The following ZFYVE28 variants were observed in gnomAD, a reference collection of about 807,000 sequenced individuals.
ZFYVE28 encodes zinc finger FYVE-type containing 28.
ZFYVE28 carries 40 observed loss-of-function variants against 82.1 expected under a neutral mutation model. That is an observed-to-expected ratio of 0.49 (90% CI 0.38 to 0.63). The LOEUF (loss-of-function observed/expected upper bound fraction) is 0.63, where lower values mean the gene tolerates loss of function less well. Among genes scored for constraint, ZFYVE28 ranks in the 30% least tolerant of loss-of-function variants. ZFYVE28 has a pLI of 0.00. For synonymous variants in ZFYVE28, 612 were observed against 546.1 expected, an observed-to-expected ratio of 1.12 and a Z score of -1.68; for missense variants, 1,321 against 1,242.1, an observed-to-expected ratio of 1.06 and a Z score of -0.96.
chr4:2,417,656 G>A lies in ZFYVE28; in HGVS notation c.39+629C>T, dbSNP rs1482809003. On this transcript the variant is annotated intron_variant, in intron 1 of 12. Coordinates refer to ENST00000290974, the MANE Select transcript of ZFYVE28 (RefSeq NM_020972.3). This position sits in a 1 kb window ranked among gnomAD's most constrained non-coding sequence, Gnocchi z 4.8. Reference sequence around the variant, plus strand: ...GGGACGCGAACTGGGCCGAGGTGTGGGTCAGTCCTGGTTCGGGAAGGGAGG... The same window carrying A: ...GGGACGCGAACTGGGCCGAGGTGTGAGTCAGTCCTGGTTCGGGAAGGGAGG... 6.6e-6 allele frequency among the ~76,000 whole-genome samples: 1 copy of A among 151,962 alleles called. No individual in the cohort carries two copies.
At position 2,271,645 on chromosome 4, in the gene ZFYVE28, C is replaced by T. The variant is rs776567985; in HGVS notation, c.2428+30G>A. On this transcript the variant is annotated intron_variant, in intron 11 of 12. Transcript: ENST00000290974. ...CCACAGCCCCCACTGGTGTCTAGTG[C>T]AGTGTCCTGACCCAGAGCCTCCCAC... 7.5e-6 allele frequency: 12 copies of T among 1,603,562 alleles called. No individual in the cohort carries two copies. The South Asian group carries it at 1.2e-4, about 16-fold the overall frequency.
At chr4:2,396,177 T>G (rs1170250551) in intron 1 of ZFYVE28, among the ~76,000 whole-genome samples, 2 of 12,954 alleles carry the variant, frequency 1.5e-4, no homozygotes, top group African/African-American at 2.4e-4. Flanking sequence ...GGACACAAGG[T>G]GGGGGTGTCT....
At chr4:2,410,688 G>C (rs184738048) in intron 1 of ZFYVE28, among the ~76,000 whole-genome samples, 4,363 of 151,900 alleles carry the variant, frequency 0.029, 215 homozygotes, top group African/African-American at 0.1. Flanking sequence ...GTAGAGACGG[G>C]GTTTCACCGT....
chr4:2,359,443 A>G (rs1464072082), intron 1 of ZFYVE28, among the ~76,000 whole-genome samples: 5 of 152,114 alleles, frequency 3.3e-5, no homozygotes, highest in South Asian at 2.1e-4. Flanking sequence ...AGGATATTTA[A>G]AGAGGTCATT....
intron 8 of ZFYVE28, among the ~76,000 whole-genome samples, chr4:2,278,423 A>C (rs1012435645): frequency 1.3e-5 from 2 of 150,702 alleles, no homozygotes; most frequent in Non-Finnish European, 2.9e-5. Context: ...CCTGGACTCA[A>C]GTGATCCACC....
intron 8 of ZFYVE28, among the ~76,000 whole-genome samples, chr4:2,280,745 T>C (rs1577880197): frequency 6.6e-6 from 1 of 152,204 alleles, no homozygotes; most frequent in Non-Finnish European, 1.5e-5. Flanking sequence ...GATGGCACCC[T>C]CGGGCCCTGC....
In ZFYVE28 at chr4:2,304,666, G is replaced by A; in HGVS notation, c.1674C>T (p.Asn558=). The A allele has an allele frequency of 6.2e-7, 1 of 1,612,654 alleles. No homozygotes were observed. The change falls in exon 8 of 13, where the codon AAC becomes AAT. Residue 558 remains asparagine, a synonymous_variant. Transcript: ENST00000290974. ...AGCACACGCAGGAATGCAGAAGGCA[G>A]TTGGTGGCCCCAGTGCTAAGCTTGT... ...GPHKLSTGAT[N]CLLHSCVCCG...
chr4:2,315,347 G>A (rs377212388), intron 7 of ZFYVE28, among the ~76,000 whole-genome samples: 124 of 152,238 alleles, frequency 8.1e-4, no homozygotes, highest in African/African-American at 2.9e-3. Flanking sequence ...AAGCGGTGGC[G>A]TGATCTCTGC....
rs945126552 is a variant in ZFYVE28, at chr4:2,341,263, A to G, written c.318+215T>C. On this transcript the variant is annotated intron_variant, in intron 3 of 12. Transcript: ENST00000290974. The surrounding 1 kb of genome is among the most constrained non-coding windows in gnomAD (Gnocchi z 4.5). ...CACATGGGAAATTTCATTTGTATGT[A>G]TAGTTTTGGGGGCACCAGTTCATGG... is the stretch of plus-strand genomic sequence containing the variant. 6.4e-6 allele frequency: 4 copies of G among 625,628 alleles called. No individual in the cohort carries two copies. Among genetic ancestry groups the G allele is most frequent in the Non-Finnish European group, 1.1e-5 (4 of 361,688 alleles). 38.8% of individuals were successfully genotyped at this position (625,628 alleles called of 1,614,324 possible).
chr4:2,381,042 C>T (rs1728681506), intron 1 of ZFYVE28, among the ~76,000 whole-genome samples: 1 of 152,290 alleles, frequency 6.6e-6, no homozygotes, highest in Admixed American at 6.5e-5. Context: ...CAGAAGAAGA[C>T]AGGAAAATGT....
rs76453592 is a variant in ZFYVE28 at position 2,275,248 on chromosome 4, G to A, written c.2052-1032C>T. Among the ~76,000 whole-genome samples the A allele has an allele frequency of 2.0e-5, 3 of 152,236 alleles. No homozygotes were observed. The East Asian group carries it at 5.8e-4, about 29-fold the overall frequency. On this transcript the variant is annotated intron_variant, in intron 8 of 12. Transcript: ENST00000290974. ...AGCTTTCATCAGATTTGCTACTCAG[G>A]GGTTCCACGGTGACCCTATAAATCG...
chr4:2,335,822 C>T lies in ZFYVE28; in HGVS notation c.612-28G>A, dbSNP rs1409588832. Reference sequence around the variant, plus strand: ...GTCCGGGGAGACGGACAGTGAGCAGCATGAGGGCTGGCCCACCACAGCCAC... The same window carrying T: ...GTCCGGGGAGACGGACAGTGAGCAGTATGAGGGCTGGCCCACCACAGCCAC... On this transcript the variant is annotated intron_variant, in intron 5 of 12. Coordinates refer to ENST00000290974, the MANE Select transcript of ZFYVE28 (RefSeq NM_020972.3). This position sits in a 1 kb window ranked among gnomAD's most constrained non-coding sequence, Gnocchi z 5.8. 1.3e-6 allele frequency: 2 copies of T among 1,543,548 alleles called. No individual in the cohort carries two copies. The highest frequency in any genetic ancestry group is 2.4e-5 in the South Asian group (2 of 83,986).
chr4:2,398,258 T>C (rs1578382213), intron 1 of ZFYVE28, among the ~76,000 whole-genome samples: 2 of 152,154 alleles, frequency 1.3e-5, no homozygotes, highest in South Asian at 2.1e-4. Flanking sequence ...CGGGAGGCCA[T>C]TGGTGACCCG....
intron 1 of ZFYVE28, among the ~76,000 whole-genome samples, chr4:2,391,776 C>G (rs1363996705): frequency 1.5e-5 from 2 of 136,812 alleles, no homozygotes; most frequent in Non-Finnish European, 3.1e-5. Flanking sequence ...TGCTCTGTTT[C>G]CCAGGCTGGA....
At chr4:2,378,214 G>A (rs191261829) in intron 1 of ZFYVE28, among the ~76,000 whole-genome samples, 219 of 152,318 alleles carry the variant, frequency 1.4e-3, no homozygotes, top group African/African-American at 5.1e-3. Context: ...GGTAGTGCAC[G>A]CCTGCAGTCC....
rs1560144220 is a variant in ZFYVE28 at position 2,289,981 on chromosome 4, A to G, written c.2051+14308T>C. Among the ~76,000 whole-genome samples the G allele has an allele frequency of 1.3e-5, 2 of 152,186 alleles. 1 individual carries two copies. Among genetic ancestry groups the G allele is most frequent in the East Asian group, 3.9e-4 (2 of 5,176 alleles). On this transcript the variant is annotated intron_variant, in intron 8 of 12. Coordinates refer to ENST00000290974, the MANE Select transcript of ZFYVE28 (RefSeq NM_020972.3). Reference sequence around the variant, plus strand: ...TGCTCTGCAGAAGCTCAGGGGGAGGACAGACACAGACAGACAGTGGACAGG... The same window carrying G: ...TGCTCTGCAGAAGCTCAGGGGGAGGGCAGACACAGACAGACAGTGGACAGG...
At position 2,314,279 on chromosome 4, in the gene ZFYVE28, G is replaced by A. The variant is rs376306841; in HGVS notation, c.803+5891C>T. 1.8e-4 allele frequency among the ~76,000 whole-genome samples: 27 copies of A among 152,286 alleles called. No individual in the cohort carries two copies. The South Asian group carries it at 5.0e-3, about 28-fold the overall frequency. On this transcript the variant is annotated intron_variant, in intron 7 of 12. Transcript: ENST00000290974. ...TCTATTTACTCTCAACCTTGTTCAC[G>A]TACTTGTGTCAGGACTGGGTCTCTC...
intron 1 of ZFYVE28, among the ~76,000 whole-genome samples, chr4:2,375,405 G>A (rs4974681): frequency 0.67 from 101,625 of 152,078 alleles, 34,290 homozygotes; most frequent in East Asian, 0.8. Context: ...GGGTTCTGCC[G>A]GGCTCTTCCC....
At chr4:2,390,553 C>T (rs150521604) in intron 1 of ZFYVE28, among the ~76,000 whole-genome samples, 74 of 152,246 alleles carry the variant, frequency 4.9e-4, no homozygotes, top group East Asian at 4.8e-3. Context: ...CATCTGGCAG[C>T]GAGGTGACCC....
Sources: gnomAD v4.1 joint callset for allele counts (sites outside exome capture counted in the v4.1 genomes callset) on GRCh38, gnomAD v4.1.1 for gene constraint, Gnocchi (gnomAD v3.1) non-coding constraint, MANE v1.5 for transcripts, NCBI Gene and HGNC (gene_info 2026-07-23, HGNC 2026-07-21) for gene names.